TM7SF3: variants seen among roughly 807,000 people sequenced by gnomAD.
The protein encoded by TM7SF3 is seven span transmembrane protein.
Under a neutral mutation model 65.5 loss-of-function variants are expected in TM7SF3, and 60 were observed. That is an observed-to-expected ratio of 0.92 (90% CI 0.74 to 1.14). The LOEUF is 1.14. TM7SF3 is among the 50% of genes most tolerant of loss of function. The pLI, the probability that TM7SF3 is intolerant of heterozygous loss-of-function variation, is 0.00. For synonymous variants in TM7SF3, 264 were observed against 259.6 expected (o/e 1.02, Z -0.16); for missense variants, 623 against 684.8 (o/e 0.91, Z 1.01).
chr12:27,011,389 G>A (rs2136461458), intron 1 of TM7SF3, among the ~76,000 whole-genome samples: 1 of 152,324 alleles, frequency 6.6e-6, no homozygotes, highest in East Asian at 1.9e-4. Flanking sequence ...TCCAAGAGAA[G>A]GGAAAACTGC....
chr12:27,000,091 G>C (rs1456497875), intron 2 of TM7SF3, among the ~76,000 whole-genome samples: 1 of 152,092 alleles, frequency 6.6e-6, no homozygotes, highest in Non-Finnish European at 1.5e-5. Context: ...AACATATCTG[G>C]GGTCCCTTTT....
At chr12:27,008,780 C>G (rs1330572451) in intron 1 of TM7SF3, among the ~76,000 whole-genome samples, 2 of 152,064 alleles carry the variant, frequency 1.3e-5, no homozygotes, top group Non-Finnish European at 2.9e-5. Flanking sequence ...CCTGTAGTAC[C>G]CCATGTTCTC....
chr12:26,980,287 A>C (rs951388624), intron 8 of TM7SF3: 26 of 526,834 alleles, frequency 4.9e-5, no homozygotes, highest in African/African-American at 4.0e-4. Context: ...CTTGTTGTAC[A>C]TCTCATATCT....
At chr12:27,012,987 G>A in intron 1 of TM7SF3, 1 of 130,674 alleles carries the variant, frequency 7.7e-6, no homozygotes, top group Admixed American at 8.2e-5. Context: ...GACAGAGCGA[G>A]ACTCCGTCAA....
intron 6 of TM7SF3, among the ~76,000 whole-genome samples, chr12:26,988,232 G>T (rs752607276): frequency 6.6e-6 from 1 of 152,042 alleles, no homozygotes; most frequent in Non-Finnish European, 1.5e-5. Context: ...GCACAATCAC[G>T]GCTCACTGCA....
Position 27,014,309 on chromosome 12 carries a change from C to T in TM7SF3, c.-141G>A. 1 of 535,202 alleles carries T rather than the reference C, an allele frequency of 1.9e-6. No individual in the cohort carries two copies. The highest frequency in any genetic ancestry group is 2.9e-6 in the Non-Finnish European group (1 of 346,310). 33.2% of individuals were successfully genotyped at this position (535,202 alleles called of 1,614,324 possible). ...CCCGCCAGGTGCAGACGCTTCGCAC[C>T]TGCCAGCTCCGCAGCCGCCGGCGCG... On this transcript the variant is annotated 5_prime_UTR_variant, in exon 1 of 12. Coordinates refer to ENST00000343028, the MANE Select transcript of TM7SF3 (RefSeq NM_016551.3).
At chr12:26,989,509 G>A (rs1940249964) in intron 6 of TM7SF3, among the ~76,000 whole-genome samples, 1 of 151,976 alleles carries the variant, frequency 6.6e-6, no homozygotes. Flanking sequence ...CCCCTACACT[G>A]TTCAAAGGTC....
chr12:26,997,921 G>A (rs911084335), intron 3 of TM7SF3, among the ~76,000 whole-genome samples: 3 of 148,046 alleles, frequency 2.0e-5, no homozygotes, highest in African/African-American at 2.5e-5. Flanking sequence ...TGCCCACCGG[G>A]TTCAAGCAAT....
intron 5 of TM7SF3, among the ~76,000 whole-genome samples, chr12:26,991,019 T>A (rs913446019): frequency 6.6e-6 from 1 of 152,200 alleles, no homozygotes; most frequent in Non-Finnish European, 1.5e-5. Context: ...ATGTGTCCAA[T>A]GTTAGCCACA....
At chr12:26,987,111 C>T (rs1187655006) in intron 6 of TM7SF3, among the ~76,000 whole-genome samples, 1 of 152,164 alleles carries the variant, frequency 6.6e-6, no homozygotes, top group Non-Finnish European at 1.5e-5. Context: ...CCACCTCTGC[C>T]TCCCCTTTAT....
rs113860967 is a variant in TM7SF3 at position 26,999,411 on chromosome 12, G to A, written c.397+115C>T. ...ACTCCATCTCAAAAAAAAAAAATCC[G>A]ATTATATAAATTATACTTGCAACAA... is the stretch of plus-strand genomic sequence containing the variant. On this transcript the variant is annotated intron_variant, in intron 3 of 11. Transcript: ENST00000343028. 22 of 1,158,346 alleles carry A rather than the reference G, an allele frequency of 1.9e-5. 1 individual carries two copies. The highest frequency in any genetic ancestry group is 1.9e-4 in the African/African-American group (12 of 64,078). 71.8% of individuals were successfully genotyped at this position (1,158,346 alleles called of 1,614,324 possible).
chr12:27,009,872 CTAACA>C (rs1387297537), intron 1 of TM7SF3, among the ~76,000 whole-genome samples: 2 of 152,142 alleles, frequency 1.3e-5, no homozygotes, highest in African/African-American at 4.8e-5. Context: ...TATCTCTAAC[CTAACA>C]TCTGTGTGAA....
At chr12:27,006,516 TTC>T (rs1176579852) in intron 1 of TM7SF3, among the ~76,000 whole-genome samples, 2 of 152,212 alleles carry the variant, frequency 1.3e-5, no homozygotes, top group Non-Finnish European at 2.9e-5. Flanking sequence ...TCTCTCAACA[TTC>T]TGTCACTGTT....
intron 3 of TM7SF3, among the ~76,000 whole-genome samples, chr12:26,997,629 G>A (rs528970176): frequency 6.6e-6 from 1 of 151,562 alleles, no homozygotes; most frequent in Non-Finnish European, 1.5e-5. Flanking sequence ...CCTAACTAGC[G>A]CTCCCTCTCC....
intron 9 of TM7SF3, chr12:26,979,556 T>C (rs759484207): frequency 7.1e-5 from 39 of 552,876 alleles, no homozygotes; most frequent in Non-Finnish European, 1.1e-4. Flanking sequence ...AACAAATAGA[T>C]ACAAAGCTAC....
At chr12:27,009,611 T>A (rs926519275) in intron 1 of TM7SF3, among the ~76,000 whole-genome samples, 6 of 152,192 alleles carry the variant, frequency 3.9e-5, no homozygotes, top group African/African-American at 1.4e-4. Flanking sequence ...TTGATCAGAC[T>A]GGTCTTGAAC....
At chr12:27,001,171 C>T (rs1411537349) in intron 2 of TM7SF3, among the ~76,000 whole-genome samples, 1 of 152,160 alleles carries the variant, frequency 6.6e-6, no homozygotes, top group Non-Finnish European at 1.5e-5. Flanking sequence ...CTTCTCTTTA[C>T]ACAGACCACT....
intron 7 of TM7SF3, 113 bp from the exon 8 acceptor site, chr12:26,980,759 C>A: frequency 1.8e-6 from 1 of 565,402 alleles, no homozygotes; most frequent in Non-Finnish European, 3.1e-6. Context: ...GCTTAAGCTC[C>A]TGGAATTTAC....
At chr12:26,981,785 T>A (rs895417099) in intron 7 of TM7SF3, among the ~76,000 whole-genome samples, 2 of 152,190 alleles carry the variant, frequency 1.3e-5, no homozygotes, top group Non-Finnish European at 2.9e-5. Flanking sequence ...TTTTTAATAA[T>A]CGAAAACATC....
Sources: allele counts gnomAD v4.1 joint callset (sites outside exome capture counted in the v4.1 genomes callset), GRCh38; gene constraint gnomAD v4.1.1; transcripts MANE v1.5; gene names NCBI Gene and HGNC (gene_info 2026-07-23, HGNC 2026-07-21).